SMARCAD1: variants seen among roughly 807,000 people sequenced by gnomAD.
SMARCAD1 encodes the protein SNF2 related chromatin remodeling ATPase with DExD box 1, also known as SWI/SNF-related matrix-associated actin-dependent regulator of chromatin subfamily A containing DEAD/H box 1.
Under a neutral mutation model 127.1 loss-of-function variants are expected in SMARCAD1, and 25 were observed. That is an observed-to-expected ratio of 0.20 (90% CI 0.14 to 0.27). SMARCAD1 has a LOEUF of 0.27. Among genes scored for constraint, SMARCAD1 ranks in the 10% least tolerant of loss-of-function variants. SMARCAD1 has a pLI of 1.00. For missense variants in SMARCAD1, 807 were observed against 1,206.0 expected (o/e 0.67, Z 4.90); for synonymous variants, 400 against 396.9 (o/e 1.01, Z -0.09).
chr4:94,231,205 C>T (rs1283384502), intron 3 of SMARCAD1, among the ~76,000 whole-genome samples: 2 of 151,966 alleles, frequency 1.3e-5, no homozygotes, highest in Admixed American at 1.3e-4. Flanking sequence ...CCACAGTGCC[C>T]GGAAACCCTG....
intron 14 of SMARCAD1, among the ~76,000 whole-genome samples, chr4:94,275,650 T>G (rs528380723): frequency 2.6e-4 from 40 of 152,244 alleles, no homozygotes; most frequent in Non-Finnish European, 5.1e-4. Flanking sequence ...AATATTAAGT[T>G]TTAAAGAGAA....
intron 19 of SMARCAD1, among the ~76,000 whole-genome samples, chr4:94,279,387 G>T (rs747728204): frequency 9.9e-5 from 15 of 152,036 alleles, no homozygotes; most frequent in Non-Finnish European, 2.9e-5. Context: ...CGATTCGCCC[G>T]CCTTGGCCTC....
intron 3 of SMARCAD1, 106 bp downstream of exon 3, chr4:94,226,402 C>CTTTTTTTTTTTTTCT (rs34491534): frequency 4.3e-6 from 2 of 466,140 alleles, no homozygotes; most frequent in East Asian, 8.1e-5. Context: ...TTTTTTTTTT[C>CTTTTTTTTTTTTTCT]TTTTTTTTTT....
At chr4:94,235,608 C>G (rs1746534531) in intron 4 of SMARCAD1, among the ~76,000 whole-genome samples, 1 of 148,084 alleles carries the variant, frequency 6.8e-6, no homozygotes, top group South Asian at 2.1e-4. Context: ...TACATTTTCT[C>G]TGACAGCAGT....
At chr4:94,274,523 G>T (rs894424514) in intron 12 of SMARCAD1, among the ~76,000 whole-genome samples, 10 of 152,024 alleles carry the variant, frequency 6.6e-5, no homozygotes, top group African/African-American at 2.4e-4. Context: ...CACCATGTTG[G>T]CCAGGCTGGT....
chr4:94,244,238 A>ACT (rs1471376095), intron 6 of SMARCAD1, among the ~76,000 whole-genome samples: 2 of 152,244 alleles, frequency 1.3e-5, no homozygotes, highest in African/African-American at 2.4e-5. Context: ...TGTACCCTGC[A>ACT]TAAGTGGCTC....
rs1753052801 is a variant in SMARCAD1, at chr4:94,274,972, A to G, written c.1808+7A>G. ...ACAATGTAATTGTGACCACGTAAGT[A>G]TTGAGAAATTTGGGGAGGATGGATA... On this transcript the variant is annotated splice_region_variant and intron_variant, in intron 14 of 23. Transcript: ENST00000354268. 3 of 1,585,406 alleles carry G rather than the reference A, an allele frequency of 1.9e-6. No individual in the cohort carries two copies. The highest frequency in any genetic ancestry group is 2.6e-6 in the Non-Finnish European group (3 of 1,155,606).
chr4:94,268,256 T>A (rs1752028519), intron 10 of SMARCAD1, among the ~76,000 whole-genome samples: 1 of 152,210 alleles, frequency 6.6e-6, no homozygotes, highest in Non-Finnish European at 1.5e-5. Flanking sequence ...CTGTGTAGTT[T>A]TTTAAATTTC....
rs1755528265 is a variant in SMARCAD1 at position 94,290,364 on chromosome 4, A to G, written c.*830A>G. 2.2e-6 allele frequency: 1 copy of G among 454,398 alleles called. No homozygotes were observed. The highest frequency in any genetic ancestry group is 4.4e-6 in the Non-Finnish European group (1 of 226,750). 28.1% of individuals were successfully genotyped at this position (454,398 alleles called of 1,614,324 possible). On this transcript the variant is annotated 3_prime_UTR_variant, in exon 24 of 24. Coordinates refer to ENST00000354268, the MANE Select transcript of SMARCAD1 (RefSeq NM_020159.5). ...TTCTGCTCCAATTCTCTTCCTCTCT[A>G]AATAGTAGTTTATTACTGCCACATC...
intron 2 of SMARCAD1, among the ~76,000 whole-genome samples, chr4:94,216,191 C>A (rs1318165247): frequency 6.6e-6 from 1 of 152,120 alleles, no homozygotes; most frequent in Non-Finnish European, 1.5e-5. Flanking sequence ...TGCTCTGCCC[C>A]CATCACCTAA....
At position 94,291,200 on chromosome 4, in the gene SMARCAD1, T is replaced by C. The variant is rs142282958; in HGVS notation, c.*1666T>C. 3 of 454,168 alleles carry C rather than the reference T, an allele frequency of 6.6e-6. No homozygotes were observed. Among genetic ancestry groups the C allele is most frequent in the African/African-American group, 2.0e-5 (1 of 50,126 alleles). The allele number at this position is 454,168 out of a possible 1,614,324, so 28.1% of individuals were successfully genotyped here. A position where few individuals can be genotyped will look rare whatever the true frequency, so the allele number is the denominator to read the frequency against. ...TTTGTTGTTATTGTTGTTGTTGTTA[T>C]ATCCATACTTTTATCTCTAATGAAA... On this transcript the variant is annotated 3_prime_UTR_variant, in exon 24 of 24. Transcript: ENST00000354268.
chr4:94,251,685 A>G (rs568008553), intron 8 of SMARCAD1, among the ~76,000 whole-genome samples: 3 of 152,276 alleles, frequency 2.0e-5, no homozygotes, highest in Admixed American at 6.5e-5. Context: ...CTGAGTAAGT[A>G]AAAATTTCTG....
intron 23 of SMARCAD1, among the ~76,000 whole-genome samples, chr4:94,286,935 G>A (rs1419290270): frequency 6.6e-6 from 1 of 151,982 alleles, no homozygotes; most frequent in Non-Finnish European, 1.5e-5. Context: ...CGCAATCTCC[G>A]CGCACTGCAA....
intron 2 of SMARCAD1, among the ~76,000 whole-genome samples, chr4:94,223,734 ATTTTTTT>A (rs944591007): frequency 0.014 from 1,378 of 100,146 alleles, 32 homozygotes; most frequent in African/African-American, 0.047. Flanking sequence ...CTCCCGGCTA[ATTTTTTT>A]TTTTTTTTTT....
intron 2 of SMARCAD1, among the ~76,000 whole-genome samples, chr4:94,212,430 C>T (rs1198890032): frequency 6.6e-6 from 1 of 152,118 alleles, no homozygotes; most frequent in African/African-American, 2.4e-5. Context: ...GTGCCTTGGC[C>T]TCTGAAAGTG....
intron 2 of SMARCAD1, among the ~76,000 whole-genome samples, chr4:94,216,252 T>C (rs1743160968): frequency 6.6e-6 from 1 of 152,146 alleles, no homozygotes; most frequent in African/African-American, 2.4e-5. Flanking sequence ...ATTACCATAA[T>C]GGTTAAGATT....
At chr4:94,230,704 T>C (rs1745710158) in intron 3 of SMARCAD1, among the ~76,000 whole-genome samples, 1 of 152,026 alleles carries the variant, frequency 6.6e-6, no homozygotes, top group African/African-American at 2.4e-5. Context: ...TACCCCAACT[T>C]TGAGAACCCA....
In SMARCAD1 at chr4:94,212,999, A is replaced by G. The variant is rs574916386; in HGVS notation, c.190+4415A>G. The G allele has an allele frequency of 1.2e-5, 13 of 1,071,516 alleles. No homozygotes were observed. The African/African-American group carries it at 1.8e-4, about 15-fold the overall frequency. 66.4% of individuals were successfully genotyped at this position (1,071,516 alleles called of 1,614,324 possible). A position where few individuals can be genotyped will look rare whatever the true frequency, so the allele number is the denominator to read the frequency against. On this transcript the variant is annotated intron_variant, in intron 2 of 23. Coordinates refer to ENST00000354268, the MANE Select transcript of SMARCAD1 (RefSeq NM_020159.5). ...TGTCAATGATTGTTATTTACACATT[A>G]TTTCTCCTTTTTTTCTTTGACTTTT...
At chr4:94,269,527 T>C (rs905003317) in intron 10 of SMARCAD1, among the ~76,000 whole-genome samples, 1 of 151,894 alleles carries the variant, frequency 6.6e-6, no homozygotes, top group African/African-American at 2.4e-5. Flanking sequence ...AAAGTGATGA[T>C]AGTAACTACT....
Sources: allele counts gnomAD v4.1 joint callset (sites outside exome capture counted in the v4.1 genomes callset), GRCh38; gene constraint gnomAD v4.1.1; transcripts MANE v1.5; gene names NCBI Gene and HGNC (gene_info 2026-07-23, HGNC 2026-07-21).